The following IQCJ variants were observed in gnomAD, a reference collection of about 807,000 sequenced individuals.
The protein encoded by IQCJ is IQ motif containing J.
IQCJ carries 9 observed loss-of-function variants against 11.0 expected under a neutral mutation model. The ratio of observed to expected loss-of-function variants is 0.82; its 90% CI spans 0.49 to 1.43. The LOEUF is 1.43. Among genes scored for constraint, IQCJ ranks in the 40% most tolerant of loss-of-function variants. IQCJ has a pLI of 0.00. For synonymous variants in IQCJ, 55 were observed against 51.3 expected (o/e 1.07, Z -0.31); for missense variants, 146 against 133.2 (o/e 1.10, Z -0.47).
At chr3:159,095,500 G>A (rs1161772333) in intron 1 of IQCJ, among the ~76,000 whole-genome samples, 1 of 124,772 alleles carries the variant, frequency 8.0e-6, no homozygotes, top group African/African-American at 3.1e-5. Flanking sequence ...ATCTCCCAAT[G>A]CTATCCCTCC....
chr3:159,159,531 A>G (rs759880813), intron 1 of IQCJ, among the ~76,000 whole-genome samples: 54 of 152,186 alleles, frequency 3.5e-4, no homozygotes, highest in Non-Finnish European at 6.8e-4. Context: ...GTACTACATA[A>G]TCATAGTTGT....
chr3:159,112,540 AC>A (rs1212482121), intron 1 of IQCJ, among the ~76,000 whole-genome samples: 1 of 152,126 alleles, frequency 6.6e-6, no homozygotes, highest in Admixed American at 6.5e-5. Context: ...AATATCTCTG[AC>A]AAAGGCTGCT....
intron 1 of IQCJ, among the ~76,000 whole-genome samples, chr3:159,208,826 G>A (rs1170576950): frequency 6.6e-6 from 1 of 152,164 alleles, no homozygotes; most frequent in Non-Finnish European, 1.5e-5. Context: ...GGATTAGGGA[G>A]TATTCTAAAT....
intron 1 of IQCJ, among the ~76,000 whole-genome samples, chr3:159,091,690 A>G (rs1419652332): frequency 4.0e-4 from 60 of 150,298 alleles, no homozygotes; most frequent in Admixed American, 8.6e-4. Context: ...ACACACACAC[A>G]CACACACACA....
intron 1 of IQCJ, among the ~76,000 whole-genome samples, chr3:159,137,103 A>G (rs991858065): frequency 1.2e-4 from 19 of 152,168 alleles, no homozygotes; most frequent in Middle Eastern, 3.4e-3. Context: ...CTCTACTAAA[A>G]ATACAAGAAT....
intron 1 of IQCJ, among the ~76,000 whole-genome samples, chr3:159,109,536 A>AAAC (rs1553776697): frequency 6.6e-6 from 1 of 151,306 alleles, no homozygotes; most frequent in African/African-American, 2.4e-5. Context: ...CTAAAAAAAA[A>AAAC]AAAAAAAAAA....
chr3:159,255,395 T>C (rs1359953422), intron 3 of IQCJ, among the ~76,000 whole-genome samples: 1 of 152,198 alleles, frequency 6.6e-6, no homozygotes, highest in Non-Finnish European at 1.5e-5. Context: ...AGAGGAAAGA[T>C]GAGACCTGTT....
At chr3:159,241,062 A>G (rs1726889501) in intron 1 of IQCJ, among the ~76,000 whole-genome samples, 1 of 152,116 alleles carries the variant, frequency 6.6e-6, no homozygotes, top group African/African-American at 2.4e-5. Flanking sequence ...TTACTTGTAT[A>G]AAAAACAACA....
chr3:159,224,241 T>C (rs974802026), intron 1 of IQCJ, among the ~76,000 whole-genome samples: 4 of 152,118 alleles, frequency 2.6e-5, no homozygotes, highest in Admixed American at 6.6e-5. Context: ...TGCCCCAAAG[T>C]AGAACAATTT....
chr3:159,154,143 T>G lies in IQCJ; in HGVS notation c.9+84702T>G, dbSNP rs541159909. On this transcript the variant is annotated intron_variant, in intron 1 of 3. Coordinates refer to ENST00000397832, the MANE Select transcript of IQCJ (RefSeq NM_001042706.3). The stretch of plus-strand genomic sequence containing the variant: ...ATCTAAACCCCCAAATTGTCAAGTT[T>G]TATGTGGGCAAAACAATTGTGCACA... Among the ~76,000 whole-genome samples, 8 of 152,336 alleles carry G rather than the reference T, an allele frequency of 5.3e-5. No homozygotes were observed. The South Asian group carries it at 1.7e-3, about 32-fold the overall frequency.
intron 1 of IQCJ, among the ~76,000 whole-genome samples, chr3:159,126,789 T>C (rs1719702300): frequency 6.6e-6 from 1 of 152,166 alleles, no homozygotes; most frequent in Non-Finnish European, 1.5e-5. Context: ...CATTTGTTGA[T>C]AAAGGACTTT....
intron 1 of IQCJ, among the ~76,000 whole-genome samples, chr3:159,074,868 A>T (rs1715812420): frequency 6.6e-6 from 1 of 152,108 alleles, no homozygotes; most frequent in Non-Finnish European, 1.5e-5. Flanking sequence ...GCAGAGGCTG[A>T]CAAGACTGGC....
chr3:159,218,087 T>C (rs763483125), intron 1 of IQCJ, among the ~76,000 whole-genome samples: 3 of 151,774 alleles, frequency 2.0e-5, no homozygotes, highest in Non-Finnish European at 4.4e-5. Flanking sequence ...GTAGTCACTG[T>C]CCTAAGTATA....
At chr3:159,111,550 A>G (rs1208192851) in intron 1 of IQCJ, among the ~76,000 whole-genome samples, 2 of 152,298 alleles carry the variant, frequency 1.3e-5, no homozygotes, top group East Asian at 3.9e-4. Context: ...CTTCTGGACC[A>G]TCCTGTAACT....
At position 159,070,857 on chromosome 3, in the gene IQCJ, C is replaced by A. The variant is rs965314037; in HGVS notation, c.9+1416C>A. Among the ~76,000 whole-genome samples, 10 of 151,948 alleles carry A rather than the reference C, an allele frequency of 6.6e-5. No individual in the cohort carries two copies. In the South Asian group the frequency reaches 1.0e-3, roughly 16 times the overall value. On this transcript the variant is annotated intron_variant, in intron 1 of 3. Transcript: ENST00000397832. Reference sequence around the variant, plus strand: ...GAGCAGATTAGGATAGTATTAATGCCATCTTGTAGTTTCTTAATATATTTA... The same window carrying A: ...GAGCAGATTAGGATAGTATTAATGCAATCTTGTAGTTTCTTAATATATTTA...
At chr3:159,117,107 C>T (rs1048726270) in intron 1 of IQCJ, among the ~76,000 whole-genome samples, 2 of 152,170 alleles carry the variant, frequency 1.3e-5, no homozygotes, top group Non-Finnish European at 2.9e-5. Flanking sequence ...GCTGCCTTTG[C>T]CACCTTGCTT....
chr3:159,237,205 G>C lies in IQCJ; in HGVS notation c.10-8638G>C, dbSNP rs1052258077. ...TTTAGAGAAAAAGCAATTTTGATTG[G>C]ATTTCTGATTTTAAACCTGTCCAAA... On this transcript the variant is annotated intron_variant, in intron 1 of 3. Transcript: ENST00000397832. Among the ~76,000 whole-genome samples, 49 of 152,304 alleles carry C rather than the reference G, an allele frequency of 3.2e-4. 2 individuals carry two copies. The highest frequency in any genetic ancestry group is 4.4e-5 in the Non-Finnish European group (3 of 68,024).
chr3:159,226,699 A>C (rs1408627065), intron 1 of IQCJ, among the ~76,000 whole-genome samples: 1 of 152,200 alleles, frequency 6.6e-6, no homozygotes, highest in Non-Finnish European at 1.5e-5. Context: ...AGGAAAGTAC[A>C]GAGAAATGTA....
chr3:159,117,611 A>AGGTTCT (rs1484476888), intron 1 of IQCJ, among the ~76,000 whole-genome samples: 9 of 152,224 alleles, frequency 5.9e-5, no homozygotes, highest in Non-Finnish European at 8.8e-5. Context: ...CTCTTGGCTC[A>AGGTTCT]GGTTCTGGTT....
Sources: allele counts gnomAD v4.1 joint callset (sites outside exome capture counted in the v4.1 genomes callset), GRCh38; gene constraint gnomAD v4.1.1; transcripts MANE v1.5; gene names NCBI Gene and HGNC (gene_info 2026-07-23, HGNC 2026-07-21).